PTPN9: variants seen among roughly 807,000 people sequenced by gnomAD.
The protein encoded by PTPN9 is protein tyrosine phosphatase non-receptor type 9.
PTPN9 carries 26 observed loss-of-function variants against 69.8 expected under a neutral mutation model. The ratio of observed to expected loss-of-function variants is 0.37; its 90% CI spans 0.27 to 0.52. The LOEUF (loss-of-function observed/expected upper bound fraction) is 0.52, where lower values mean the gene tolerates loss of function less well. PTPN9 is among the 20% of genes least tolerant of loss of function. The pLI is 0.91. For missense variants in PTPN9, 549 were observed against 740.3 expected (o/e 0.74, Z 3.00); for synonymous variants, 274 against 272.5 (o/e 1.01, Z -0.05).
At chr15:75,556,314 C>T (rs534796571) in intron 1 of PTPN9, among the ~76,000 whole-genome samples, 2 of 151,888 alleles carry the variant, frequency 1.3e-5, no homozygotes, top group Non-Finnish European at 2.9e-5. Context: ...CCCCCTGCCT[C>T]GGCCTCCCAA....
In PTPN9 at chr15:75,468,947, A is replaced by G. The variant is rs1331042963; in HGVS notation, c.1604T>C (p.Leu535Pro). The G allele has an allele frequency of 6.2e-7, 1 of 1,613,984 alleles. No individual in the cohort carries two copies. The highest frequency in any genetic ancestry group is 8.5e-7 in the Non-Finnish European group (1 of 1,179,948). ...FCSLDICLAQLEELGTLNVFQ... is the reference protein window; with the variant it reads ...FCSLDICLAQPEELGTLNVFQ... ...CACATTAAGGGTGCCAAGCTCCTCC[A>G]GCTGTGCCAGGCAGATGTCCAGTGA... The change falls in exon 13 of 13, where the codon CTG becomes CCG. Residue 535 changes from leucine (L) to proline (P), a missense_variant. Transcript: ENST00000618819.
At chr15:75,527,364 G>A in intron 1 of PTPN9, 103 bp from the exon 2 acceptor site, 1 of 1,346,316 alleles carries the variant, frequency 7.4e-7, no homozygotes, top group Non-Finnish European at 1.0e-6. Flanking sequence ...AAGCAAGTCT[G>A]AACCCAGTTT....
At chr15:75,478,817 T>C (rs2074611593) in intron 9 of PTPN9, among the ~76,000 whole-genome samples, 1 of 152,230 alleles carries the variant, frequency 6.6e-6, no homozygotes, top group Non-Finnish European at 1.5e-5. Context: ...CTAAGTTTGA[T>C]CACTTGATTA....
At chr15:75,566,834 A>T (rs962924412) in intron 1 of PTPN9, among the ~76,000 whole-genome samples, 1 of 152,048 alleles carries the variant, frequency 6.6e-6, no homozygotes, top group African/African-American at 2.4e-5. Context: ...TTAATGAGAA[A>T]AAAAAATTAG....
At chr15:75,518,607 C>T (rs2074884710) in intron 4 of PTPN9, among the ~76,000 whole-genome samples, 1 of 152,014 alleles carries the variant, frequency 6.6e-6, no homozygotes, top group Admixed American at 6.6e-5. Context: ...CACCTGAGGT[C>T]AGCAGTTTGA....
At chr15:75,522,424 G>C (rs1405016568) in intron 4 of PTPN9, among the ~76,000 whole-genome samples, 2 of 151,654 alleles carry the variant, frequency 1.3e-5, no homozygotes, top group Non-Finnish European at 2.9e-5. Context: ...AGGTCTTGCT[G>C]TGTCACCCAG....
At position 75,578,836 on chromosome 15, in the gene PTPN9, C is replaced by G. The variant is rs1376690656; in HGVS notation, c.-60G>C. On this transcript the variant is annotated 5_prime_UTR_variant, in exon 1 of 13. Coordinates refer to ENST00000618819, the MANE Select transcript of PTPN9 (RefSeq NM_002833.4). ...CTCGCGAGCGCGGGAGCCCGGCGCG[C>G]TCGGCCTCCGCTTCCGCGTCCCCGC... 3 of 1,126,934 alleles carry G rather than the reference C, an allele frequency of 2.7e-6. No homozygotes were observed. Among genetic ancestry groups the G allele is most frequent in the Admixed American group, 4.5e-5 (1 of 21,998 alleles). The allele number at this position is 1,126,934 out of a possible 1,614,324, so 69.8% of individuals were successfully genotyped here.
chr15:75,502,205 G>A (rs982651819), intron 7 of PTPN9, among the ~76,000 whole-genome samples: 3 of 152,214 alleles, frequency 2.0e-5, no homozygotes, highest in Middle Eastern at 3.4e-3. Flanking sequence ...CCAGCACTTC[G>A]GGAGGCTGAG....
intron 3 of PTPN9, 83 bp downstream of exon 3, chr15:75,524,126 A>C (rs939227600): frequency 7.0e-5 from 44 of 630,288 alleles, no homozygotes; most frequent in African/African-American, 6.3e-4. Context: ...TTAAAAAAAA[A>C]AAAAAAAAAA....
At chr15:75,476,545 C>T (rs1291135585) in intron 9 of PTPN9, among the ~76,000 whole-genome samples, 1 of 152,122 alleles carries the variant, frequency 6.6e-6, no homozygotes, top group Admixed American at 6.6e-5. Context: ...AAATACCTGA[C>T]CTCAAGTGAT....
At chr15:75,533,838 G>C (rs1486967538) in intron 1 of PTPN9, among the ~76,000 whole-genome samples, 1 of 152,156 alleles carries the variant, frequency 6.6e-6, no homozygotes, top group Non-Finnish European at 1.5e-5. Flanking sequence ...CTATAATTTT[G>C]AGATGAGCTT....
At chr15:75,501,156 C>T (rs1159795152) in intron 7 of PTPN9, among the ~76,000 whole-genome samples, 1 of 152,068 alleles carries the variant, frequency 6.6e-6, no homozygotes, top group African/African-American at 2.4e-5. Context: ...TCCCTCTTTG[C>T]TTTGCTAAAA....
At chr15:75,544,157 T>C (rs996530292) in intron 1 of PTPN9, among the ~76,000 whole-genome samples, 1 of 149,588 alleles carries the variant, frequency 6.7e-6, no homozygotes, top group Non-Finnish European at 1.5e-5. Context: ...TAAATTGTCA[T>C]AGGAGAAAAT....
intron 6 of PTPN9, among the ~76,000 whole-genome samples, chr15:75,506,252 T>A (rs1278564667): frequency 6.6e-6 from 1 of 152,198 alleles, no homozygotes; most frequent in East Asian, 1.9e-4. Flanking sequence ...GACACTGTTA[T>A]ACATCTTCTG....
At position 75,466,476 on chromosome 15, in the gene PTPN9, T is replaced by C. The variant is rs924464704; in HGVS notation, c.*2293A>G. ...TCTTCTCACAAAGACCATGTACCCA[T>C]AGATATGGAGTCTCCTGGGGAGAAT... On this transcript the variant is annotated 3_prime_UTR_variant, in exon 13 of 13. Transcript: ENST00000618819. 2 of 152,136 alleles carry C rather than the reference T, an allele frequency of 1.3e-5. No homozygotes were observed. The highest frequency in any genetic ancestry group is 2.9e-5 in the Non-Finnish European group (2 of 68,034). The allele number at this position is 152,136 out of a possible 1,614,324, so 9.4% of individuals were successfully genotyped here. A position where few individuals can be genotyped will look rare whatever the true frequency, so the allele number is the denominator to read the frequency against.
intron 7 of PTPN9, among the ~76,000 whole-genome samples, chr15:75,491,830 C>T (rs2074712653): frequency 6.6e-6 from 1 of 152,144 alleles, no homozygotes; most frequent in Non-Finnish European, 1.5e-5. Flanking sequence ...CACCAAAAAA[C>T]TCCAGCTGCA....
chr15:75,533,252 A>C (rs1410713131), intron 1 of PTPN9, among the ~76,000 whole-genome samples: 3 of 152,160 alleles, frequency 2.0e-5, no homozygotes, highest in African/African-American at 7.2e-5. Flanking sequence ...TTTTCAGGTA[A>C]GGGTAAGATT....
chr15:75,546,041 C>G (rs1436172605), intron 1 of PTPN9, among the ~76,000 whole-genome samples: 2 of 152,156 alleles, frequency 1.3e-5, no homozygotes, highest in Non-Finnish European at 2.9e-5. Flanking sequence ...ACTGTGAACA[C>G]AATACACCAA....
intron 1 of PTPN9, among the ~76,000 whole-genome samples, chr15:75,545,939 T>C (rs765678901): frequency 6.6e-6 from 1 of 152,028 alleles, no homozygotes; most frequent in Non-Finnish European, 1.5e-5. Flanking sequence ...CAGAGCAAGA[T>C]TCTGTCTGAA....
Sources: allele counts gnomAD v4.1 joint callset (sites outside exome capture counted in the v4.1 genomes callset), GRCh38; gene constraint gnomAD v4.1.1; transcripts MANE v1.5; gene names NCBI Gene and HGNC (gene_info 2026-07-23, HGNC 2026-07-21).